EXD3: variants seen among roughly 807,000 people sequenced by gnomAD.
EXD3 encodes the protein exonuclease mut-7 homolog.
A neutral mutation model predicts 98.0 loss-of-function variants in EXD3; 92 were observed. The ratio of observed to expected loss-of-function variants is 0.94; its 90% CI spans 0.79 to 1.12. The LOEUF is 1.12. Ranked by LOEUF, EXD3 falls within the 50% of genes most tolerant of loss-of-function variation. EXD3 has a pLI of 0.00. For synonymous variants in EXD3, 569 were observed against 526.0 expected (o/e 1.08, Z -1.12); for missense variants, 1,222 against 1,191.6 (o/e 1.03, Z -0.38).
chr9:137,381,594 C>T (rs1057061316), intron 3 of EXD3, among the ~76,000 whole-genome samples: 7 of 152,104 alleles, frequency 4.6e-5, no homozygotes, highest in Admixed American at 2.0e-4. Flanking sequence ...TGCTCTCACC[C>T]GCCCGGTGTG....
At chr9:137,408,458 A>G (rs1432887837) in intron 1 of EXD3, among the ~76,000 whole-genome samples, 1 of 148,836 alleles carries the variant, frequency 6.7e-6, no homozygotes, top group East Asian at 2.0e-4. Flanking sequence ...GAGGCAGGTG[A>G]ATGGCGTGAA....
At chr9:137,329,125 C>T (rs1399456700) in intron 17 of EXD3, among the ~76,000 whole-genome samples, 1 of 15,352 alleles carries the variant, frequency 6.5e-5, no homozygotes, top group Non-Finnish European at 1.1e-4. Context: ...CTACACGGGG[C>T]TACACGGGAG....
chr9:137,354,204 A>T (rs1202378266), intron 10 of EXD3, 135 bp downstream of exon 10: 3 of 1,473,868 alleles, frequency 2.0e-6, no homozygotes, highest in South Asian at 2.5e-5. Flanking sequence ...CACACGCCCC[A>T]ACATGGGGTC....
At chr9:137,388,424 C>G (rs145189836) in intron 2 of EXD3, among the ~76,000 whole-genome samples, 1 of 152,186 alleles carries the variant, frequency 6.6e-6, no homozygotes, top group Non-Finnish European at 1.5e-5. Flanking sequence ...AAACGACACC[C>G]GGCTAATGGG....
chr9:137,329,104 G>A (rs138756545), intron 17 of EXD3, among the ~76,000 whole-genome samples: 5 of 5,524 alleles, frequency 9.1e-4, no homozygotes, highest in African/African-American at 5.2e-3. Flanking sequence ...ACTACACGGG[G>A]CTACACGGGG....
intron 17 of EXD3, among the ~76,000 whole-genome samples, chr9:137,334,191 G>A (rs768857685): frequency 6.6e-6 from 1 of 152,230 alleles, no homozygotes; most frequent in African/African-American, 2.4e-5. Flanking sequence ...TAGTGGAGAC[G>A]GGGTTTCACC....
intron 9 of EXD3, 34 bp from the exon 10 acceptor site, chr9:137,354,411 G>T: frequency 6.2e-7 from 1 of 1,612,072 alleles, no homozygotes. Context: ...CGGTTGCCAG[G>T]CAGCTCCAGA....
chr9:137,374,426 G>T, intron 3 of EXD3: 1 of 398,620 alleles, frequency 2.5e-6, no homozygotes, highest in Non-Finnish European at 3.4e-6. Flanking sequence ...CGTGGGCCGC[G>T]CTGTTCTCGT....
rs368475977 is a variant in EXD3 at position 137,324,753 on chromosome 9, C to T, written c.1999-610G>A. On this transcript the variant is annotated intron_variant, in intron 17 of 21. Transcript: ENST00000340951. This position sits in a 1 kb window ranked among gnomAD's most constrained non-coding sequence, Gnocchi z 4.1. ...TTTCGCCCAGGCCGGAGTGCAGTGGCGCTGTCTTGGCTCACTGCAAGCTCC... is the reference window on the plus strand; with the variant it reads ...TTTCGCCCAGGCCGGAGTGCAGTGGTGCTGTCTTGGCTCACTGCAAGCTCC... 2.0e-5 allele frequency among the ~76,000 whole-genome samples: 3 copies of T among 152,172 alleles called. No individual in the cohort carries two copies. Among genetic ancestry groups the T allele is most frequent in the South Asian group, 2.1e-4 (1 of 4,834 alleles).
chr9:137,381,832 G>C (rs953749671), intron 3 of EXD3, among the ~76,000 whole-genome samples: 1 of 152,184 alleles, frequency 6.6e-6, no homozygotes, highest in Non-Finnish European at 1.5e-5. Flanking sequence ...GGACCCCCAA[G>C]GACCCCATCT....
In EXD3 at chr9:137,323,789, G is replaced by C; in HGVS notation, c.2120C>G (p.Ala707Gly). The C allele has an allele frequency of 1.2e-6, 2 of 1,612,362 alleles. No individual in the cohort carries two copies. Among genetic ancestry groups the C allele is most frequent in the Non-Finnish European group, 1.7e-6 (2 of 1,179,764 alleles). Reference sequence around the variant, plus strand: ...GTTGAAATGCTTGAGCACAGCCTTGGCCTGCTGCTGGGCCTTCAGGGAGCA... The same window carrying C: ...GTTGAAATGCTTGAGCACAGCCTTGCCCTGCTGCTGGGCCTTCAGGGAGCA... ...VDCSLKAQQQ[A>G]KAVLKHFNVR... The change falls in exon 19 of 22, where the codon GCC becomes GGC. Residue 707 changes from alanine to glycine, a missense_variant. Coordinates refer to ENST00000340951, the MANE Select transcript of EXD3 (RefSeq NM_017820.5).
chr9:137,311,390 C>G (rs1180494435), intron 19 of EXD3, among the ~76,000 whole-genome samples: 1 of 152,254 alleles, frequency 6.6e-6, no homozygotes, highest in African/African-American at 2.4e-5. Context: ...CAGAGCCCCA[C>G]TCTCCACTGT....
chr9:137,373,250 CA>C (rs1223008985), intron 4 of EXD3, among the ~76,000 whole-genome samples, 175 bp downstream of exon 4: 6 of 151,348 alleles, frequency 4.0e-5, no homozygotes, highest in Non-Finnish European at 8.9e-5. Context: ...ACGTGACTGT[CA>C]GGGGGCAGAG....
At chr9:137,379,717 A>G (rs1350580847) in intron 3 of EXD3, among the ~76,000 whole-genome samples, 4 of 151,982 alleles carry the variant, frequency 2.6e-5, no homozygotes, top group Non-Finnish European at 5.9e-5. Context: ...CATTCGATGA[A>G]GCCGACGCTC....
At chr9:137,406,710 T>G (rs1423579282) in intron 1 of EXD3, among the ~76,000 whole-genome samples, 1 of 152,056 alleles carries the variant, frequency 6.6e-6, no homozygotes. Flanking sequence ...TCCCAGCGGC[T>G]TCTGGAAACT....
chr9:137,379,780 G>A (rs533958549), intron 3 of EXD3, among the ~76,000 whole-genome samples: 8 of 152,024 alleles, frequency 5.3e-5, no homozygotes, highest in Admixed American at 3.3e-4. Context: ...TGTCACCCCC[G>A]GAGTTCTGCA....
intron 7 of EXD3, 143 bp downstream of exon 7, chr9:137,366,350 G>T: frequency 8.2e-7 from 1 of 1,215,622 alleles, no homozygotes; most frequent in Non-Finnish European, 1.2e-6. Flanking sequence ...TCCAGCTGCA[G>T]TCACATGGCA....
At chr9:137,372,237 G>A (rs953995307) in intron 5 of EXD3, among the ~76,000 whole-genome samples, 2 of 152,204 alleles carry the variant, frequency 1.3e-5, no homozygotes, top group African/African-American at 4.8e-5. Flanking sequence ...ATACTGATCC[G>A]ACGCATCTCG....
In EXD3 at chr9:137,389,729, G is replaced by C. The variant is rs539929646; in HGVS notation, c.55+5574C>G. On this transcript the variant is annotated intron_variant, in intron 2 of 21. Coordinates refer to ENST00000340951, the MANE Select transcript of EXD3 (RefSeq NM_017820.5). ...GTGGATGCATGCAGAGAGGGACAGA[G>C]AGATCCCCAAATTTCATTCTGCAAC... 2.0e-5 allele frequency among the ~76,000 whole-genome samples: 3 copies of C among 152,322 alleles called. No individual in the cohort carries two copies. The South Asian group carries it at 6.2e-4, about 32-fold the overall frequency.
Sources: allele counts gnomAD v4.1 joint callset (sites outside exome capture counted in the v4.1 genomes callset), GRCh38; gene constraint gnomAD v4.1.1; non-coding constraint Gnocchi (gnomAD v3.1); transcripts MANE v1.5; gene names NCBI Gene and HGNC (gene_info 2026-07-23, HGNC 2026-07-21).